Variants in CLMN observed in about 807,000 individuals in gnomAD.
CLMN encodes calmin, also known as calmin (calponin-like, transmembrane).
A neutral mutation model predicts 92.7 loss-of-function variants in CLMN; 57 were observed. The ratio of observed to expected loss-of-function variants is 0.61; its 90% CI spans 0.50 to 0.77. The LOEUF (loss-of-function observed/expected upper bound fraction) is 0.77. Among genes scored for constraint, CLMN ranks in the 30% least tolerant of loss-of-function variants. The pLI, the probability that CLMN is intolerant of heterozygous loss-of-function variation, is 0.00. For missense variants in CLMN, 1,158 were observed against 1,237.5 expected, an observed-to-expected ratio of 0.94 and a Z score of 0.96; for synonymous variants, 466 against 470.6, an observed-to-expected ratio of 0.99 and a Z score of 0.13.
chr14:95,229,840 C>G (rs1193074848), intron 2 of CLMN, among the ~76,000 whole-genome samples: 1 of 152,006 alleles, frequency 6.6e-6, no homozygotes, highest in Non-Finnish European at 1.5e-5. Context: ...AAAGACAGAC[C>G]CTCTCTTTCC....
chr14:95,211,728 A>G (rs1194868870), intron 6 of CLMN, among the ~76,000 whole-genome samples: 1 of 152,052 alleles, frequency 6.6e-6, no homozygotes, highest in African/African-American at 2.4e-5. Flanking sequence ...AAGTTGAAAC[A>G]CAGTACAGAG....
chr14:95,264,634 C>T (rs1439413014), intron 1 of CLMN, among the ~76,000 whole-genome samples: 1 of 152,210 alleles, frequency 6.6e-6, no homozygotes, highest in African/African-American at 2.4e-5. Context: ...AAAGCCCCCA[C>T]TTCTATGAGC....
At position 95,272,602 on chromosome 14, in the gene CLMN, G is replaced by A. The variant is rs552173926; in HGVS notation, c.83-42469C>T. ...TTGGATATAGATTCACATTTAGTACGACAATACACCAGCCATATGTTGTGA... is the reference window on the plus strand; with the variant it reads ...TTGGATATAGATTCACATTTAGTACAACAATACACCAGCCATATGTTGTGA... On this transcript the variant is annotated intron_variant, in intron 1 of 12. Transcript: ENST00000298912. Among the ~76,000 whole-genome samples the A allele has an allele frequency of 9.3e-4, 141 of 152,296 alleles. 1 individual carries two copies. In the South Asian group the frequency reaches 0.015, roughly 16 times the overall value.
At chr14:95,295,412 C>T (rs1900761199) in intron 1 of CLMN, among the ~76,000 whole-genome samples, 1 of 152,186 alleles carries the variant, frequency 6.6e-6, no homozygotes, top group Admixed American at 6.5e-5. Flanking sequence ...AAGACGCAGG[C>T]TCTCCCTGGG....
At chr14:95,221,047 T>C (rs1216178790) in intron 4 of CLMN, among the ~76,000 whole-genome samples, 1 of 152,220 alleles carries the variant, frequency 6.6e-6, no homozygotes, top group East Asian at 1.9e-4. Flanking sequence ...CCCAGATGAA[T>C]CCTACTTTAT....
intron 1 of CLMN, among the ~76,000 whole-genome samples, chr14:95,316,304 T>A (rs1343327279): frequency 1.3e-5 from 2 of 152,256 alleles, no homozygotes; most frequent in African/African-American, 4.8e-5. Context: ...GGACCACCCC[T>A]GTTTCCTTGC....
chr14:95,292,277 T>G (rs1334392055), intron 1 of CLMN, among the ~76,000 whole-genome samples: 5 of 152,206 alleles, frequency 3.3e-5, no homozygotes, highest in Non-Finnish European at 7.3e-5. Context: ...CATTTTGTAT[T>G]TTTCCATATT....
Position 95,204,177 on chromosome 14 carries a change from C to A in CLMN, c.1172G>T (p.Gly391Val). 6.2e-7 allele frequency: 1 copy of A among 1,614,040 alleles called. No homozygotes were observed. Among genetic ancestry groups the A allele is most frequent in the Non-Finnish European group, 8.5e-7 (1 of 1,180,016 alleles). Residue 391 changes from glycine to valine, a missense_variant, in exon 9 of 13, where the codon GGC (glycine) becomes GTC (valine). Coordinates refer to ENST00000298912, the MANE Select transcript of CLMN (RefSeq NM_024734.4). ...HQIIDQVLQG[G>V]PGKTSDISEP... is the part of the protein sequence containing the mutation. Reference sequence around the variant, plus strand: ...ACTGATGTCGCTGGTCTTACCTGGGCCCCCTTGCAGGACCTGGTCAATAAT... The same window carrying A: ...ACTGATGTCGCTGGTCTTACCTGGGACCCCTTGCAGGACCTGGTCAATAAT...
In CLMN at chr14:95,191,833, C is replaced by A; in HGVS notation, c.2841-101G>T. 8.5e-7 allele frequency: 1 copy of A among 1,173,156 alleles called. No homozygotes were observed. Among genetic ancestry groups the A allele is most frequent in the South Asian group, 1.5e-5 (1 of 66,912 alleles). The allele number at this position is 1,173,156 out of a possible 1,614,324, so 72.7% of individuals were successfully genotyped here. A position where few individuals can be genotyped will look rare whatever the true frequency, so the allele number is the denominator to read the frequency against. On this transcript the variant is annotated intron_variant, in intron 12 of 12. Coordinates refer to ENST00000298912, the MANE Select transcript of CLMN (RefSeq NM_024734.4). This position sits in a 1 kb window ranked among gnomAD's most constrained non-coding sequence, Gnocchi z 5.3. ...TCTCTCCCCGGCCCCCACTCCCCGC[C>A]TGAAGACCCGAAGGCTCCCCAGCAC... is the stretch of plus-strand genomic sequence containing the variant.
chr14:95,217,132 A>T (rs1897375855), intron 4 of CLMN, among the ~76,000 whole-genome samples: 1 of 152,236 alleles, frequency 6.6e-6, no homozygotes, highest in Non-Finnish European at 1.5e-5. Context: ...ACGCTTAATA[A>T]AGCAAAAGTC....
At chr14:95,254,785 C>A (rs1250843897) in intron 1 of CLMN, among the ~76,000 whole-genome samples, 1 of 152,192 alleles carries the variant, frequency 6.6e-6, no homozygotes, top group Non-Finnish European at 1.5e-5. Context: ...GCAGCCTCAA[C>A]TTCCCAGGGC....
chr14:95,286,898 G>A (rs1900365239), intron 1 of CLMN, among the ~76,000 whole-genome samples: 2 of 152,176 alleles, frequency 1.3e-5, no homozygotes, highest in Non-Finnish European at 2.9e-5. Flanking sequence ...CAGAAAGTTT[G>A]CATGCAACTT....
chr14:95,302,423 AC>A (rs1182736104), intron 1 of CLMN, among the ~76,000 whole-genome samples: 1 of 152,216 alleles, frequency 6.6e-6, no homozygotes, highest in Non-Finnish European at 1.5e-5. Flanking sequence ...CATGAGCCAC[AC>A]ACAAAATGTT....
chr14:95,277,277 T>C (rs1899969110), intron 1 of CLMN, among the ~76,000 whole-genome samples: 1 of 152,220 alleles, frequency 6.6e-6, no homozygotes, highest in Admixed American at 6.5e-5. Context: ...AATGCAGGCC[T>C]AGGACCCCTG....
Position 95,232,339 on chromosome 14 carries a change from A to T in CLMN, c.83-2206T>A, listed in dbSNP as rs145021686. 1.4e-3 allele frequency among the ~76,000 whole-genome samples: 214 copies of T among 152,338 alleles called. 1 individual carries two copies. Among genetic ancestry groups the T allele is most frequent in the African/African-American group, 4.6e-3 (193 of 41,582 alleles). On this transcript the variant is annotated intron_variant, in intron 1 of 12. Transcript: ENST00000298912. ...GACCATATCACATATGCCTAAAACG[A>T]TTCCAAATTTCTTTAGCAATAAGAA...
chr14:95,254,751 G>A (rs1038764844), intron 1 of CLMN, among the ~76,000 whole-genome samples: 12 of 152,328 alleles, frequency 7.9e-5, no homozygotes, highest in African/African-American at 2.6e-4. Flanking sequence ...AGGCTGGAGT[G>A]CAGTGGTGCA....
At chr14:95,257,182 C>T (rs1381299534) in intron 1 of CLMN, among the ~76,000 whole-genome samples, 2 of 152,170 alleles carry the variant, frequency 1.3e-5, no homozygotes, top group Non-Finnish European at 2.9e-5. Context: ...CGAGTTAAGT[C>T]GGAGAAGGCA....
Position 95,190,608 on chromosome 14 carries a change from C to G in CLMN, c.*956G>C, listed in dbSNP as rs145820165. ...CAAACCTCCTGTGCTGGCCTGCTCC[C>G]GGAGTGCTGTCCAGAAAGCCTCTTC... On this transcript the variant is annotated 3_prime_UTR_variant, in exon 13 of 13. Transcript: ENST00000298912. 1 of 152,350 alleles carries G rather than the reference C, an allele frequency of 6.6e-6. No homozygotes were observed. The allele number at this position is 152,350 out of a possible 1,614,324, so 9.4% of individuals were successfully genotyped here. A position where few individuals can be genotyped will look rare whatever the true frequency, so the allele number is the denominator to read the frequency against.
At chr14:95,257,893 C>T (rs1000849877) in intron 1 of CLMN, among the ~76,000 whole-genome samples, 1 of 152,160 alleles carries the variant, frequency 6.6e-6, no homozygotes, top group African/African-American at 2.4e-5. Flanking sequence ...TCATTTCCCG[C>T]TTGGTAGAGA....
Sources: allele counts gnomAD v4.1 joint callset (sites outside exome capture counted in the v4.1 genomes callset), GRCh38; gene constraint gnomAD v4.1.1; non-coding constraint Gnocchi (gnomAD v3.1); transcripts MANE v1.5; gene names NCBI Gene and HGNC (gene_info 2026-07-23, HGNC 2026-07-21).